SPTLC2: variants seen among roughly 807,000 people sequenced by gnomAD.
SPTLC2 encodes serine palmitoyltransferase long chain base subunit 2.
Under a neutral mutation model 62.0 loss-of-function variants are expected in SPTLC2, and 21 were observed. The ratio of observed to expected loss-of-function variants is 0.34; its 90% CI spans 0.24 to 0.49. SPTLC2 has a LOEUF of 0.49. Among genes scored for constraint, SPTLC2 ranks in the 20% least tolerant of loss-of-function variants. The pLI, the probability that SPTLC2 is intolerant of heterozygous loss-of-function variation, is 0.99. For missense variants in SPTLC2, 511 were observed against 713.0 expected (o/e 0.72, Z 3.23); for synonymous variants, 261 against 261.8 (o/e 1.00, Z 0.03).
At chr14:77,552,329 G>C (rs2079559979) in intron 8 of SPTLC2, 107 bp from the exon 9 acceptor site, 2 of 1,301,328 alleles carry the variant, frequency 1.5e-6, no homozygotes, top group South Asian at 2.5e-5. Context: ...AATGGCACTG[G>C]AATAGGGACA....
At chr14:77,555,542 A>C (rs1433710231) in intron 7 of SPTLC2, 23 bp from the exon 8 acceptor site, 1 of 1,603,344 alleles carries the variant, frequency 6.2e-7, no homozygotes, top group Non-Finnish European at 8.5e-7. Flanking sequence ...GAAAAAATAT[A>C]TATATACACA....
At chr14:77,566,590 C>G (rs532859341) in intron 5 of SPTLC2, among the ~76,000 whole-genome samples, 3 of 151,348 alleles carry the variant, frequency 2.0e-5, no homozygotes, top group South Asian at 4.2e-4. Flanking sequence ...CTCAGCCTCC[C>G]GAGTAGCTGG....
At chr14:77,537,134 G>T (rs1202683309) in intron 9 of SPTLC2, among the ~76,000 whole-genome samples, 2 of 151,572 alleles carry the variant, frequency 1.3e-5, no homozygotes, top group Admixed American at 1.3e-4. Context: ...TCTTGGCAAG[G>T]CTGATGAACT....
chr14:77,536,082 C>A, intron 9 of SPTLC2: 1 of 383,572 alleles, frequency 2.6e-6, no homozygotes, highest in South Asian at 2.0e-5. Flanking sequence ...GGAGACACAA[C>A]TCAATTTTGG....
At chr14:77,594,341 C>T (rs1317903723) in intron 2 of SPTLC2, among the ~76,000 whole-genome samples, 1 of 152,224 alleles carries the variant, frequency 6.6e-6, no homozygotes, top group Non-Finnish European at 1.5e-5. Context: ...AATTTACTTT[C>T]TGTAAACATG....
chr14:77,586,306 C>T (rs1264433302), intron 2 of SPTLC2, among the ~76,000 whole-genome samples: 2 of 152,062 alleles, frequency 1.3e-5, no homozygotes, highest in East Asian at 3.9e-4. Flanking sequence ...AAACTCCTGA[C>T]CTCAAGCGAT....
intron 11 of SPTLC2, among the ~76,000 whole-genome samples, chr14:77,516,415 T>C (rs1316248428): frequency 6.6e-6 from 1 of 152,186 alleles, no homozygotes; most frequent in Non-Finnish European, 1.5e-5. Context: ...TAGACACTGG[T>C]TATAGTTACA....
At chr14:77,581,214 G>A (rs1368247867) in intron 2 of SPTLC2, among the ~76,000 whole-genome samples, 1 of 152,120 alleles carries the variant, frequency 6.6e-6, no homozygotes, top group East Asian at 1.9e-4. Flanking sequence ...CATTGAAAAA[G>A]CTTAAGCCTT....
chr14:77,542,155 G>A (rs1479618913), intron 9 of SPTLC2, among the ~76,000 whole-genome samples: 1 of 151,328 alleles, frequency 6.6e-6, no homozygotes, highest in African/African-American at 2.4e-5. Flanking sequence ...AGGGAGAGTA[G>A]AGCATGTAAA....
intron 9 of SPTLC2, among the ~76,000 whole-genome samples, chr14:77,529,616 CTTTCTTTTT>C (rs1283300435): frequency 1.2e-5 from 1 of 83,468 alleles, no homozygotes; most frequent in African/African-American, 3.6e-5. Context: ...CAATTTCTTT[CTTTCTTTTT>C]TTTTTTTTTT....
intron 9 of SPTLC2, among the ~76,000 whole-genome samples, chr14:77,532,345 A>G (rs764831507): frequency 3.4e-4 from 52 of 152,142 alleles, no homozygotes; most frequent in Non-Finnish European, 6.0e-4. Context: ...TAATAAAAAT[A>G]TTCGTTTTTT....
intron 4 of SPTLC2, among the ~76,000 whole-genome samples, chr14:77,575,680 C>T (rs566498708): frequency 3.9e-5 from 6 of 152,178 alleles, no homozygotes; most frequent in Middle Eastern, 3.2e-3. Flanking sequence ...CACAAGCATG[C>T]GCCACCACGT....
At chr14:77,515,289 T>C (rs2079352846) in intron 11 of SPTLC2, among the ~76,000 whole-genome samples, 1 of 152,210 alleles carries the variant, frequency 6.6e-6, no homozygotes, top group African/African-American at 2.4e-5. Context: ...ATCAGCCTTT[T>C]AATTTCTGCA....
chr14:77,587,060 T>G (rs2079785505), intron 2 of SPTLC2, among the ~76,000 whole-genome samples: 1 of 152,042 alleles, frequency 6.6e-6, no homozygotes, highest in African/African-American at 2.4e-5. Flanking sequence ...CCGTCTGTAC[T>G]AAAAATACAA....
intron 1 of SPTLC2, among the ~76,000 whole-genome samples, chr14:77,598,114 C>A (rs1204390009): frequency 7.3e-6 from 1 of 136,694 alleles, no homozygotes; most frequent in East Asian, 2.2e-4. Flanking sequence ...AAGAGCGAAA[C>A]CCCATCTCAA....
intron 1 of SPTLC2, among the ~76,000 whole-genome samples, chr14:77,600,890 C>T (rs1240483770): frequency 1.3e-5 from 2 of 152,146 alleles, no homozygotes; most frequent in Non-Finnish European, 2.9e-5. Context: ...GCCATTTTGT[C>T]CACATGCCTG....
At chr14:77,543,005 A>C (rs2079509466) in intron 9 of SPTLC2, among the ~76,000 whole-genome samples, 1 of 152,188 alleles carries the variant, frequency 6.6e-6, no homozygotes, top group Non-Finnish European at 1.5e-5. Context: ...AAAATCAAGG[A>C]ACTGAGTTTT....
chr14:77,513,916 C>T (rs1272213994), intron 11 of SPTLC2, among the ~76,000 whole-genome samples: 1 of 97,258 alleles, frequency 1.0e-5, no homozygotes, highest in Non-Finnish European at 2.4e-5. Context: ...AAAAAAAAGT[C>T]AAGGCTGAAC....
At chr14:77,579,168 T>C in intron 2 of SPTLC2, 59 bp from the exon 3 acceptor site, 1 of 1,563,202 alleles carries the variant, frequency 6.4e-7, no homozygotes, top group Non-Finnish European at 8.8e-7. Flanking sequence ...AAAAAATTTT[T>C]TAACAGATGA....
Sources: allele counts gnomAD v4.1 joint callset (sites outside exome capture counted in the v4.1 genomes callset), GRCh38; gene constraint gnomAD v4.1.1; transcripts MANE v1.5; gene names NCBI Gene and HGNC (gene_info 2026-07-23, HGNC 2026-07-21).